Variants in KIAA1191 observed in about 807,000 individuals in gnomAD.
KIAA1191 encodes the protein KIAA1191.
Under a neutral mutation model 31.1 loss-of-function variants are expected in KIAA1191, and 22 were observed. The observed-to-expected ratio is 0.71, with a 90% CI of 0.51 to 1.01. KIAA1191 has a LOEUF of 1.01. Ranked by LOEUF, KIAA1191 falls within the 50% of genes least tolerant of loss-of-function variation. KIAA1191 has a pLI of 0.00. For missense variants in KIAA1191, 319 were observed against 388.0 expected (o/e 0.82, Z 1.49); for synonymous variants, 130 against 143.9 (o/e 0.90, Z 0.69).
intron 4 of KIAA1191, chr5:176,354,431 T>A (rs1767316168): frequency 6.6e-6 from 1 of 152,194 alleles, no homozygotes; most frequent in East Asian, 1.9e-4. Flanking sequence ...CCTACTTTAT[T>A]CAGGCAACAG....
At position 176,359,484 on chromosome 5, in the gene KIAA1191, G is replaced by T; in HGVS notation, c.25C>A (p.Pro9Thr). Residue 9 changes from proline (P) to threonine (T), a missense_variant, in exon 3 of 9, where the codon CCT becomes ACT. Physicochemically the swap from Pro to Thr is conservative, Grantham distance 38 (BLOSUM62 -1). Transcript: ENST00000298569. ...TACCAAAAAGAATTAAGTTTACCAG[G>T]CACTTCTGGTTGTCTTGAAGCCATT... MASRQPEV[P>T]ALEASAPLGK... The T allele has an allele frequency of 1.2e-6, 2 of 1,613,638 alleles. No individual in the cohort carries two copies. Among genetic ancestry groups the T allele is most frequent in the Non-Finnish European group, 1.7e-6 (2 of 1,179,694 alleles).
At chr5:176,360,323 A>AT (rs1313082421) in intron 1 of KIAA1191, among the ~76,000 whole-genome samples, 1 of 151,544 alleles carries the variant, frequency 6.6e-6, no homozygotes, top group Admixed American at 6.6e-5. Context: ...CGCCTGGCTA[A>AT]TTTTTTGTAT....
chr5:176,350,855 G>A, intron 5 of KIAA1191, 118 bp from the exon 6 acceptor site: 3 of 1,269,022 alleles, frequency 2.4e-6, no homozygotes, highest in Non-Finnish European at 3.2e-6. Flanking sequence ...ACCATTCAAA[G>A]AAGAGGAGAC....
chr5:176,352,585 C>A, intron 5 of KIAA1191, 37 bp downstream of exon 5: 1 of 1,606,222 alleles, frequency 6.2e-7, no homozygotes, highest in Non-Finnish European at 8.5e-7. Flanking sequence ...CTTCCCTGCC[C>A]CTATGGCACT....
rs2113527774 is a variant in KIAA1191 at position 176,361,516 on chromosome 5, C to A, written c.-168+86G>T. 1 of 152,596 alleles carries A rather than the reference C, an allele frequency of 6.6e-6. No homozygotes were observed. The highest frequency in any genetic ancestry group is 2.1e-4 in the South Asian group (1 of 4,836). The allele number at this position is 152,596 out of a possible 1,614,324, so 9.5% of individuals were successfully genotyped here. A position where few individuals can be genotyped will look rare whatever the true frequency, so the allele number is the denominator to read the frequency against. On this transcript the variant is annotated intron_variant, in intron 1 of 8. Transcript: ENST00000298569. The surrounding 1 kb of genome is among the most constrained non-coding windows in gnomAD (Gnocchi z 4.0). ...GAGAGGGGAGTGGCTTGGAGGGGCC[C>A]CGAGATCGGGCCTCGCCGGAAGCGC... is the stretch of plus-strand genomic sequence containing the variant.
chr5:176,346,492 C>T lies in KIAA1191; in HGVS notation c.*1108G>A, dbSNP rs1055822234. On this transcript the variant is annotated 3_prime_UTR_variant, in exon 9 of 9. Transcript: ENST00000298569. ...TATAATCTAACGGTATCTACCATCT[C>T]CTTTACTTTAAAAAAGTTTAATGTC... 6.6e-6 allele frequency: 1 copy of T among 152,248 alleles called. No individual in the cohort carries two copies. The highest frequency in any genetic ancestry group is 1.5e-5 in the Non-Finnish European group (1 of 68,040). 9.4% of individuals were successfully genotyped at this position (152,248 alleles called of 1,614,324 possible).
intron 6 of KIAA1191, among the ~76,000 whole-genome samples, chr5:176,350,079 G>A (rs997483424): frequency 3.3e-5 from 5 of 152,150 alleles, no homozygotes; most frequent in African/African-American, 9.7e-5. Context: ...ATATGGAGAA[G>A]AGCATCTGTC....
At chr5:176,351,304 G>A (rs1766981555) in intron 5 of KIAA1191, among the ~76,000 whole-genome samples, 1 of 150,384 alleles carries the variant, frequency 6.6e-6, no homozygotes, top group African/African-American at 2.5e-5. Context: ...TCGTGCCACT[G>A]CACTCCAGCC....
At chr5:176,352,506 T>A (rs895793788) in intron 5 of KIAA1191, 116 bp downstream of exon 5, 1 of 1,244,246 alleles carries the variant, frequency 8.0e-7, no homozygotes, top group African/African-American at 1.5e-5. Flanking sequence ...CAAACTGACA[T>A]TTTTTAGGAT....
Position 176,355,614 on chromosome 5 carries a change from C to G in KIAA1191, c.164G>C (p.Trp55Ser). ...PPPSDMGSVP[W>S]KPVIPERKYQ... is the part of the protein sequence containing the mutation. The stretch of plus-strand genomic sequence containing the variant: ...CTTGCGCTCTGGAATCACTGGCTTC[C>G]AAGGGACGCTGCCCATGTCCGATGG... Residue 55 changes from tryptophan (W) to serine (S), a missense_variant, in exon 4 of 9, where the codon TGG becomes TCG. Trp to Ser is a radical substitution (Grantham distance 177). Coordinates refer to ENST00000298569, the MANE Select transcript of KIAA1191 (RefSeq NM_020444.5). This position sits in a 1 kb window ranked among gnomAD's most constrained non-coding sequence, Gnocchi z 4.2. 6.2e-7 allele frequency: 1 copy of G among 1,612,050 alleles called. No individual in the cohort carries two copies. Among genetic ancestry groups the G allele is most frequent in the South Asian group, 1.1e-5 (1 of 91,000 alleles).
rs1013333937 is a variant in KIAA1191, at chr5:176,346,256, C to T, written c.*1344G>A. 6.6e-6 allele frequency: 1 copy of T among 152,214 alleles called. No homozygotes were observed. Among genetic ancestry groups the T allele is most frequent in the African/African-American group, 2.4e-5 (1 of 41,448 alleles). 9.4% of individuals were successfully genotyped at this position (152,214 alleles called of 1,614,324 possible). A position where few individuals can be genotyped will look rare whatever the true frequency, so the allele number is the denominator to read the frequency against. ...TCAAGACAACAAGTGAACTTGTACA[C>T]AGTGAAGAGAAATAAAAAGGTGGCT... On this transcript the variant is annotated 3_prime_UTR_variant, in exon 9 of 9. Coordinates refer to ENST00000298569, the MANE Select transcript of KIAA1191 (RefSeq NM_020444.5).
intron 3 of KIAA1191, chr5:176,357,124 A>C (rs1425827752): frequency 2.0e-5 from 3 of 152,132 alleles, no homozygotes; most frequent in Non-Finnish European, 4.4e-5. Flanking sequence ...AACATGGTGA[A>C]ATCCCATCTC....
At chr5:176,357,992 C>T (rs1767650714) in intron 3 of KIAA1191, among the ~76,000 whole-genome samples, 1 of 152,050 alleles carries the variant, frequency 6.6e-6, no homozygotes, top group Non-Finnish European at 1.5e-5. Flanking sequence ...CTTCACAACC[C>T]CGAGAGATAG....
At chr5:176,349,261 C>T (rs1019822720) in intron 6 of KIAA1191, among the ~76,000 whole-genome samples, 15 of 152,174 alleles carry the variant, frequency 9.9e-5, no homozygotes, top group Non-Finnish European at 2.2e-4. Flanking sequence ...CAAAGGCTGC[C>T]GGTGCCCCTC....
intron 5 of KIAA1191, 86 bp downstream of exon 5, chr5:176,352,536 G>A: frequency 6.8e-7 from 1 of 1,467,730 alleles, no homozygotes; most frequent in Admixed American, 1.9e-5. Flanking sequence ...CGAGCGTGTT[G>A]CAGTATCATC....
In KIAA1191 at chr5:176,346,191, G is replaced by A. The variant is rs1255938395; in HGVS notation, c.*1409C>T. ...AAAGGCCAGCTTCTTATACAGACAA[G>A]GTACTATCCAAAACAAAAAGCAGGT... On this transcript the variant is annotated 3_prime_UTR_variant, in exon 9 of 9. Transcript: ENST00000298569. 1.3e-5 allele frequency: 2 copies of A among 152,140 alleles called. No individual in the cohort carries two copies. Among genetic ancestry groups the A allele is most frequent in the Non-Finnish European group, 2.9e-5 (2 of 68,034 alleles). The allele number at this position is 152,140 out of a possible 1,614,324, so 9.4% of individuals were successfully genotyped here.
In KIAA1191 at chr5:176,355,902, C is replaced by T; in HGVS notation, c.29-153G>A. On this transcript the variant is annotated intron_variant, in intron 3 of 8. Transcript: ENST00000298569. The surrounding 1 kb of genome is among the most constrained non-coding windows in gnomAD (Gnocchi z 4.2). ...AGTAGCTAATCCCATCCAGGAAAGGCAGTGGTACCAATCCCTTCCTCTATG... is the reference window on the plus strand; with the variant it reads ...AGTAGCTAATCCCATCCAGGAAAGGTAGTGGTACCAATCCCTTCCTCTATG... 1.4e-6 allele frequency: 1 copy of T among 731,400 alleles called. No homozygotes were observed. The highest frequency in any genetic ancestry group is 2.3e-6 in the Non-Finnish European group (1 of 426,578). The allele number at this position is 731,400 out of a possible 1,614,324, so 45.3% of individuals were successfully genotyped here. A position where few individuals can be genotyped will look rare whatever the true frequency, so the allele number is the denominator to read the frequency against.
At position 176,355,093 on chromosome 5, in the gene KIAA1191, C is replaced by T. The variant is rs1402127171; in HGVS notation, c.207+478G>A. Among the ~76,000 whole-genome samples the T allele has an allele frequency of 1.3e-5, 2 of 152,148 alleles. No individual in the cohort carries two copies. Among genetic ancestry groups the T allele is most frequent in the Non-Finnish European group, 2.9e-5 (2 of 68,026 alleles). ...AGAATTTTAGGTAACTTGCACAGTT[C>T]AAGCACTGGGTAGGGGAGCTGGAGA... On this transcript the variant is annotated intron_variant, in intron 4 of 8. Coordinates refer to ENST00000298569, the MANE Select transcript of KIAA1191 (RefSeq NM_020444.5). The surrounding 1 kb of genome is among the most constrained non-coding windows in gnomAD (Gnocchi z 4.2).
intron 8 of KIAA1191, 54 bp from the exon 9 acceptor site, chr5:176,347,862 G>T (rs2241577): frequency 0.19 from 311,945 of 1,610,140 alleles, 30,892 homozygotes; most frequent in Middle Eastern, 0.29. Context: ...ACAGCTCCCG[G>T]TATACAATAT....
Sources: gnomAD v4.1 joint callset for allele counts (sites outside exome capture counted in the v4.1 genomes callset) on GRCh38, gnomAD v4.1.1 for gene constraint, Gnocchi (gnomAD v3.1) non-coding constraint, MANE v1.5 for transcripts, NCBI Gene and HGNC (gene_info 2026-07-23, HGNC 2026-07-21) for gene names.